The following EPHA6 variants were observed in gnomAD, a reference collection of about 807,000 sequenced individuals.
EPHA6 encodes ephrin type-A receptor 6.
Under a neutral mutation model 112.0 loss-of-function variants are expected in EPHA6, and 50 were observed. The ratio of observed to expected loss-of-function variants is 0.45; its 90% CI spans 0.36 to 0.56. The LOEUF (loss-of-function observed/expected upper bound fraction) is 0.56. EPHA6 is among the 20% of genes least tolerant of loss of function. The pLI, the probability that EPHA6 is intolerant of heterozygous loss-of-function variation, is 0.00. For synonymous variants in EPHA6, 529 were observed against 490.7 expected (o/e 1.08, Z -1.03); for missense variants, 1,280 against 1,417.4 (o/e 0.90, Z 1.56).
At chr3:97,411,024 C>T (rs2087677121) in intron 6 of EPHA6, among the ~76,000 whole-genome samples, 1 of 151,048 alleles carries the variant, frequency 6.6e-6, no homozygotes, top group Non-Finnish European at 1.5e-5. Flanking sequence ...GGATACAATT[C>T]AGTGTTTACA....
At chr3:97,377,142 T>G (rs921200910) in intron 5 of EPHA6, among the ~76,000 whole-genome samples, 1 of 152,174 alleles carries the variant, frequency 6.6e-6, no homozygotes, top group Non-Finnish European at 1.5e-5. Context: ...CACCCAAATC[T>G]CATCTTGAAT....
intron 10 of EPHA6, among the ~76,000 whole-genome samples, chr3:97,504,272 C>T (rs1197373332): frequency 6.6e-6 from 1 of 152,060 alleles, no homozygotes; most frequent in African/African-American, 2.4e-5. Flanking sequence ...GGAGCCTGGA[C>T]ACAAAGGCTA....
chr3:97,392,225 G>A (rs145370820), intron 5 of EPHA6, among the ~76,000 whole-genome samples: 41 of 151,856 alleles, frequency 2.7e-4, no homozygotes, highest in Non-Finnish European at 4.6e-4. Flanking sequence ...TTAGGTTTAC[G>A]TAGGCTCTTT....
intron 6 of EPHA6, among the ~76,000 whole-genome samples, chr3:97,430,832 T>C (rs754194121): frequency 1.3e-5 from 2 of 152,182 alleles, no homozygotes; most frequent in African/African-American, 2.4e-5. Flanking sequence ...CCTATTATTA[T>C]GTACTCCTTA....
intron 6 of EPHA6, among the ~76,000 whole-genome samples, chr3:97,433,645 T>C (rs2089649318): frequency 6.6e-6 from 1 of 152,138 alleles, no homozygotes; most frequent in African/African-American, 2.4e-5. Context: ...GAAAACCCTT[T>C]TCCATGTTGT....
intron 2 of EPHA6, among the ~76,000 whole-genome samples, chr3:96,888,139 G>T (rs954758193): frequency 6.6e-6 from 1 of 152,090 alleles, no homozygotes; most frequent in African/African-American, 2.4e-5. Context: ...TTGCTAGAAG[G>T]TTCAGCTAGC....
In EPHA6 at chr3:97,492,324, T is replaced by C. The variant is rs944176798; in HGVS notation, c.2200+8265T>C. 4.0e-5 allele frequency among the ~76,000 whole-genome samples: 6 copies of C among 151,212 alleles called. No individual in the cohort carries two copies. The South Asian group carries it at 1.0e-3, about 26-fold the overall frequency. On this transcript the variant is annotated intron_variant, in intron 10 of 17. Coordinates refer to ENST00000389672, the MANE Select transcript of EPHA6 (RefSeq NM_001080448.3). The stretch of plus-strand genomic sequence containing the variant: ...TTGGGAGGCCGAGGCGTGCAGATCA[T>C]TTGAAGTCAGGAGTTTGAGACCAGC...
rs539492409 is a variant in EPHA6, at chr3:96,889,669, G to A, written c.450+22780G>A. On this transcript the variant is annotated intron_variant, in intron 2 of 17. Coordinates refer to ENST00000389672, the MANE Select transcript of EPHA6 (RefSeq NM_001080448.3). ...AAGATGAGATTTGGGTGAGGACTCAGAGGCAAACAATATCAGTCACTTCCA... is the reference window on the plus strand; with the variant it reads ...AAGATGAGATTTGGGTGAGGACTCAAAGGCAAACAATATCAGTCACTTCCA... Among the ~76,000 whole-genome samples, 7 of 152,268 alleles carry A rather than the reference G, an allele frequency of 4.6e-5. No individual in the cohort carries two copies. The South Asian group carries it at 1.4e-3, about 32-fold the overall frequency.
At chr3:97,288,906 G>A (rs976936258) in intron 5 of EPHA6, among the ~76,000 whole-genome samples, 16 of 136,152 alleles carry the variant, frequency 1.2e-4, no homozygotes, top group Non-Finnish European at 2.4e-4. Context: ...CATATCTTTT[G>A]CCCACTTTTT....
intron 5 of EPHA6, among the ~76,000 whole-genome samples, chr3:97,336,715 C>T (rs1011081251): frequency 1.3e-5 from 2 of 152,062 alleles, no homozygotes; most frequent in Non-Finnish European, 2.9e-5. Flanking sequence ...AATCATAATT[C>T]TATTGCATTT....
chr3:97,048,002 A>G (rs1211428554), intron 3 of EPHA6, among the ~76,000 whole-genome samples: 1 of 152,228 alleles, frequency 6.6e-6, no homozygotes. Context: ...CTACTCATAG[A>G]AATATCATGT....
intron 5 of EPHA6, among the ~76,000 whole-genome samples, chr3:97,320,982 A>G (rs926123905): frequency 6.6e-6 from 1 of 152,010 alleles, no homozygotes; most frequent in African/African-American, 2.4e-5. Context: ...CACAAACATT[A>G]TGAAACTATT....
At chr3:96,884,283 G>C (rs1434465877) in intron 2 of EPHA6, among the ~76,000 whole-genome samples, 1 of 152,052 alleles carries the variant, frequency 6.6e-6, no homozygotes, top group African/African-American at 2.4e-5. Context: ...GATGGGGATT[G>C]CATTGATTTG....
At chr3:96,882,878 G>A (rs929777188) in intron 2 of EPHA6, among the ~76,000 whole-genome samples, 1 of 152,094 alleles carries the variant, frequency 6.6e-6, no homozygotes, top group Non-Finnish European at 1.5e-5. Flanking sequence ...GAATTGTGCT[G>A]CTATAAACAT....
intron 5 of EPHA6, among the ~76,000 whole-genome samples, chr3:97,265,000 G>C (rs900877954): frequency 6.6e-6 from 1 of 152,132 alleles, no homozygotes; most frequent in African/African-American, 2.4e-5. Context: ...CATTAGAGAG[G>C]GTAGCTCCTC....
intron 14 of EPHA6, among the ~76,000 whole-genome samples, chr3:97,670,148 C>T (rs550861457): frequency 2.0e-5 from 3 of 152,260 alleles, no homozygotes; most frequent in South Asian, 4.1e-4. Context: ...ACTGACCTGA[C>T]CCATTTGCTG....
At chr3:97,652,995 C>T (rs1344630438) in intron 14 of EPHA6, among the ~76,000 whole-genome samples, 2 of 151,526 alleles carry the variant, frequency 1.3e-5, no homozygotes, top group African/African-American at 2.4e-5. Context: ...GTATTGTGTC[C>T]CCACAATCAC....
At chr3:96,979,940 G>T (rs1342331126) in intron 2 of EPHA6, among the ~76,000 whole-genome samples, 1 of 152,038 alleles carries the variant, frequency 6.6e-6, no homozygotes, top group Non-Finnish European at 1.5e-5. Flanking sequence ...CATTGTAGAT[G>T]CTTGATATTA....
intron 6 of EPHA6, among the ~76,000 whole-genome samples, chr3:97,438,959 C>T (rs1481652236): frequency 1.3e-5 from 2 of 152,076 alleles, no homozygotes; most frequent in Non-Finnish European, 2.9e-5. Context: ...AATAATTAGG[C>T]CATTTTCTCT....
Sources: allele counts gnomAD v4.1 joint callset (sites outside exome capture counted in the v4.1 genomes callset), GRCh38; gene constraint gnomAD v4.1.1; transcripts MANE v1.5; gene names NCBI Gene and HGNC (gene_info 2026-07-23, HGNC 2026-07-21).